The following TUB variants were observed in gnomAD, a reference collection of about 807,000 sequenced individuals.
TUB encodes the protein TUB bipartite transcription factor.
In TUB, 33 loss-of-function variants were observed where a neutral mutation model predicts 59.7. The observed-to-expected ratio is 0.55, with a 90% CI of 0.42 to 0.74. The LOEUF (loss-of-function observed/expected upper bound fraction) is 0.74. Among genes scored for constraint, TUB ranks in the 30% least tolerant of loss-of-function variants. The pLI, the probability that TUB is intolerant of heterozygous loss-of-function variation, is 0.00. For missense variants in TUB, 659 were observed against 672.0 expected, an observed-to-expected ratio of 0.98 and a Z score of 0.21; for synonymous variants, 293 against 256.4, an observed-to-expected ratio of 1.14 and a Z score of -1.36.
At chr11:8,029,548 C>T (rs530279278) in intron 1 of TUB, among the ~76,000 whole-genome samples, 1 of 152,098 alleles carries the variant, frequency 6.6e-6, no homozygotes, top group Non-Finnish European at 1.5e-5. Flanking sequence ...ACCACAATGC[C>T]TGGCTAATCT....
At chr11:8,061,724 G>A (rs116436024) in intron 2 of TUB, among the ~76,000 whole-genome samples, 82 of 152,078 alleles carry the variant, frequency 5.4e-4, no homozygotes, top group African/African-American at 1.7e-3. Context: ...GCCCCTACCC[G>A]CTAAGAGATC....
intron 2 of TUB, among the ~76,000 whole-genome samples, chr11:8,059,163 C>G (rs985844140): frequency 6.6e-6 from 1 of 152,142 alleles, no homozygotes; most frequent in Admixed American, 6.5e-5. Flanking sequence ...ACTAGATCAG[C>G]CTGACCTCCT....
At chr11:8,028,294 T>C (rs529547760) in intron 1 of TUB, among the ~76,000 whole-genome samples, 1 of 152,372 alleles carries the variant, frequency 6.6e-6, no homozygotes, top group South Asian at 2.1e-4. Flanking sequence ...AGGTTGTTTG[T>C]CTTTTTGTTG....
chr11:8,071,736 C>A (rs532067733), intron 2 of TUB, among the ~76,000 whole-genome samples: 1 of 152,254 alleles, frequency 6.6e-6, no homozygotes, highest in East Asian at 1.9e-4. Context: ...ACAGAGAGAG[C>A]TGGGGTGTGT....
At chr11:8,082,579 C>T in intron 1 of TUB, among the ~76,000 whole-genome samples, 1 of 152,190 alleles carries the variant, frequency 6.6e-6, no homozygotes, top group East Asian at 1.9e-4. Context: ...ATTGTCGACC[C>T]AGGTGCACGT....
At position 8,067,227 on chromosome 11, in the gene TUB, A is replaced by G. The variant is rs1943261898; in HGVS notation, c.204-22383A>G. On this transcript the variant is annotated intron_variant, in intron 2 of 12. Transcript: ENST00000305253. ...AAATACTGCGCATATGAGAGCCGGC[A>G]CAGGGCATTGTTGCTCCCCGTTTCC... Among the ~76,000 whole-genome samples, 3 of 152,208 alleles carry G rather than the reference A, an allele frequency of 2.0e-5. No homozygotes were observed. The South Asian group carries it at 6.2e-4, about 32-fold the overall frequency.
At chr11:8,049,971 A>C (rs1942908217) in intron 2 of TUB, among the ~76,000 whole-genome samples, 2 of 152,180 alleles carry the variant, frequency 1.3e-5, no homozygotes, top group African/African-American at 2.4e-5. Context: ...GCCCCCTAGA[A>C]GCCCACGTTG....
At position 8,069,657 on chromosome 11, in the gene TUB, TTTGC is replaced by T. The variant is rs1943322809; in HGVS notation, c.204-19950_204-19947del. Among the ~76,000 whole-genome samples the T allele has an allele frequency of 5.3e-5, 8 of 152,348 alleles. No individual in the cohort carries two copies. In the South Asian group the frequency reaches 1.7e-3, roughly 32 times the overall value. On this transcript the variant is annotated intron_variant, in intron 2 of 12. Transcript: ENST00000305253. ...CTCATTAGCCGTCATCGGAAATGTC[TTTGC>T]TTTTCTTACCTGTTTTGTTTGTTTT...
At chr11:8,092,838 C>T (rs1943825613) in intron 3 of TUB, among the ~76,000 whole-genome samples, 1 of 152,200 alleles carries the variant, frequency 6.6e-6, no homozygotes, top group Non-Finnish European at 1.5e-5. Context: ...CTGCCCTCTA[C>T]TGGCTACAGG....
chr11:8,098,355 G>A (rs748611527), intron 8 of TUB, among the ~76,000 whole-genome samples: 4 of 152,134 alleles, frequency 2.6e-5, no homozygotes, highest in Admixed American at 6.5e-5. Context: ...TGGAGATGGG[G>A]CTGGACTGAG....
intron 3 of TUB, among the ~76,000 whole-genome samples, chr11:8,090,933 AAGG>A (rs1314661837): frequency 3.9e-5 from 6 of 152,050 alleles, no homozygotes; most frequent in African/African-American, 7.3e-5. Context: ...CTGAGCTTGA[AAGG>A]AGGACTCAGA....
intron 1 of TUB, chr11:8,039,150 T>A (rs1293998725): frequency 5.5e-6 from 7 of 1,266,030 alleles, no homozygotes; most frequent in Non-Finnish European, 2.1e-6. Flanking sequence ...ATGGTGCTGC[T>A]CCCCTATCAC....
chr11:8,036,739 G>A (rs933589201), upstream of TUB, among the ~76,000 whole-genome samples: 1 of 152,226 alleles, frequency 6.6e-6, no homozygotes, highest in East Asian at 1.9e-4. Context: ...GAGAGATGCA[G>A]TTTATCCAGC....
At chr11:8,093,965 TG>T in intron 3 of TUB, 80 bp from the exon 4 acceptor site, 1 of 1,567,976 alleles carries the variant, frequency 6.4e-7, no homozygotes, top group Non-Finnish European at 8.8e-7. Context: ...AATGCTGTGC[TG>T]GGGACTGTGT....
At chr11:8,090,851 G>T (rs538510730) in intron 3 of TUB, among the ~76,000 whole-genome samples, 2 of 151,514 alleles carry the variant, frequency 1.3e-5, no homozygotes, top group South Asian at 2.1e-4. Flanking sequence ...GCACATCTCT[G>T]TTCTCAGGAC....
chr11:8,078,976 A>G (rs565968400), upstream of TUB, among the ~76,000 whole-genome samples: 134 of 152,178 alleles, frequency 8.8e-4, no homozygotes, highest in Non-Finnish European at 1.6e-3. Context: ...GTTCCCCCAC[A>G]TCCCATGTAC....
intron 2 of TUB, among the ~76,000 whole-genome samples, chr11:8,049,842 G>A (rs951773663): frequency 6.6e-6 from 1 of 151,968 alleles, no homozygotes; most frequent in African/African-American, 2.4e-5. Context: ...TTTAATTGAA[G>A]TATATATAGT....
At chr11:8,074,459 T>A (rs146533136) in intron 2 of TUB, among the ~76,000 whole-genome samples, 1 of 152,150 alleles carries the variant, frequency 6.6e-6, no homozygotes, top group East Asian at 1.9e-4. Flanking sequence ...TCTATAAGGC[T>A]GGGTGCGATG....
At chr11:8,093,250 C>T (rs959817617) in intron 3 of TUB, among the ~76,000 whole-genome samples, 5 of 151,152 alleles carry the variant, frequency 3.3e-5, no homozygotes, top group Admixed American at 6.6e-5. Flanking sequence ...CTGAGGGGGG[C>T]GAGGGGGAGG....
Sources: allele counts gnomAD v4.1 joint callset (sites outside exome capture counted in the v4.1 genomes callset), GRCh38; gene constraint gnomAD v4.1.1; transcripts MANE v1.5; gene names NCBI Gene and HGNC (gene_info 2026-07-23, HGNC 2026-07-21).